CCSER1: variants seen among roughly 807,000 people sequenced by gnomAD.
The protein encoded by CCSER1 is coiled-coil serine rich protein 1.
In CCSER1, 41 loss-of-function variants were observed where a neutral mutation model predicts 82.0. The ratio of observed to expected loss-of-function variants is 0.50; its 90% CI spans 0.39 to 0.65. CCSER1 has a LOEUF of 0.65. Among genes scored for constraint, CCSER1 ranks in the 30% least tolerant of loss-of-function variants. The pLI, the probability that CCSER1 is intolerant of heterozygous loss-of-function variation, is 0.00. For synonymous variants in CCSER1, 414 were observed against 383.9 expected (o/e 1.08, Z -0.92); for missense variants, 1,119 against 1,064.2 (o/e 1.05, Z -0.72).
At chr4:90,764,495 CAATT>C (rs1342569283) in intron 7 of CCSER1, among the ~76,000 whole-genome samples, 2 of 152,042 alleles carry the variant, frequency 1.3e-5, no homozygotes, top group African/African-American at 4.8e-5. Context: ...ACAGAGACAT[CAATT>C]GTCACCCAAT....
chr4:91,014,649 T>C (rs1482763103), intron 9 of CCSER1, among the ~76,000 whole-genome samples: 1 of 150,894 alleles, frequency 6.6e-6, no homozygotes, highest in Admixed American at 6.6e-5. Context: ...AAAGCCAGAT[T>C]CTTATTTTTT....
At chr4:91,332,932 A>G (rs970011683) in intron 10 of CCSER1, among the ~76,000 whole-genome samples, 2 of 152,050 alleles carry the variant, frequency 1.3e-5, no homozygotes, top group African/African-American at 2.4e-5. Context: ...TCTATTATGT[A>G]TAAAAGTTTA....
chr4:90,577,304 A>G (rs551040093), intron 5 of CCSER1, among the ~76,000 whole-genome samples: 2 of 152,230 alleles, frequency 1.3e-5, no homozygotes, highest in African/African-American at 4.8e-5. Flanking sequence ...TAGAGTTCCT[A>G]AGGTAAAACT....
chr4:91,217,056 T>C (rs531429948), intron 10 of CCSER1, among the ~76,000 whole-genome samples: 1 of 152,258 alleles, frequency 6.6e-6, no homozygotes, highest in East Asian at 1.9e-4. Flanking sequence ...TCCCTTCTGA[T>C]GTTCAGATGT....
chr4:91,119,052 A>G (rs1726867957), intron 10 of CCSER1, among the ~76,000 whole-genome samples: 1 of 152,156 alleles, frequency 6.6e-6, no homozygotes, highest in Non-Finnish European at 1.5e-5. Context: ...TGAAGTTGCA[A>G]TCTGCAGTTT....
intron 10 of CCSER1, among the ~76,000 whole-genome samples, chr4:91,200,426 G>A (rs545510742): frequency 6.6e-6 from 1 of 152,018 alleles, no homozygotes; most frequent in East Asian, 1.9e-4. Flanking sequence ...CCCAGACCTA[G>A]GTGGCAGAAA....
chr4:91,440,743 A>T (rs868007433), intron 10 of CCSER1, among the ~76,000 whole-genome samples: 1 of 152,192 alleles, frequency 6.6e-6, no homozygotes, highest in Non-Finnish European at 1.5e-5. Context: ...AAAGAAGAAA[A>T]GAGAGAAGAA....
chr4:90,855,003 G>A (rs989324408), intron 8 of CCSER1, among the ~76,000 whole-genome samples: 2 of 151,934 alleles, frequency 1.3e-5, no homozygotes, highest in Non-Finnish European at 2.9e-5. Flanking sequence ...GTGTGTGTGT[G>A]CGAGAGAGCA....
At chr4:91,192,853 A>T (rs776525487) in intron 10 of CCSER1, among the ~76,000 whole-genome samples, 2 of 152,028 alleles carry the variant, frequency 1.3e-5, no homozygotes, top group Non-Finnish European at 2.9e-5. Context: ...TGTCTCTGCT[A>T]TATTGGTAAA....
Position 90,312,517 on chromosome 4 carries a change from T to A in CCSER1, c.1325-346T>A, listed in dbSNP as rs1017164188. On this transcript the variant is annotated intron_variant, in intron 2 of 10. Coordinates refer to ENST00000509176, the MANE Select transcript of CCSER1 (RefSeq NM_001145065.2). ...ATGAGAGTAGGCAGAGGTAGGAGAA[T>A]TGTAGCAAATATTGCAGTAACCAAG... 2.0e-5 allele frequency among the ~76,000 whole-genome samples: 3 copies of A among 152,074 alleles called. No individual in the cohort carries two copies. In the East Asian group the frequency reaches 5.8e-4, roughly 29 times the overall value.
At chr4:90,228,510 C>A (rs7662023) in intron 1 of CCSER1, among the ~76,000 whole-genome samples, 99,392 of 151,986 alleles carry the variant, frequency 0.65, 35,002 homozygotes, top group African/African-American at 0.91. Flanking sequence ...ATAAAACCAC[C>A]AAGATGGGGA....
At chr4:91,205,758 T>A (rs902647504) in intron 10 of CCSER1, among the ~76,000 whole-genome samples, 3 of 147,324 alleles carry the variant, frequency 2.0e-5, no homozygotes, top group Non-Finnish European at 4.4e-5. Flanking sequence ...CTCTATTTTT[T>A]GTCATTTTGA....
chr4:91,261,430 G>A (rs1176011140), intron 10 of CCSER1, among the ~76,000 whole-genome samples: 1 of 152,020 alleles, frequency 6.6e-6, no homozygotes, highest in Non-Finnish European at 1.5e-5. Context: ...TATCCCAGTA[G>A]CATTCTTCTA....
intron 9 of CCSER1, among the ~76,000 whole-genome samples, chr4:91,063,164 T>C (rs1411955782): frequency 6.6e-6 from 1 of 152,126 alleles, no homozygotes; most frequent in African/African-American, 2.4e-5. Context: ...GAAAATGCTG[T>C]AGTATTAGTC....
At chr4:91,236,398 G>C (rs1055876830) in intron 10 of CCSER1, among the ~76,000 whole-genome samples, 17 of 152,042 alleles carry the variant, frequency 1.1e-4, no homozygotes, top group African/African-American at 3.9e-4. Flanking sequence ...CAAAAGAATC[G>C]CTTGAACCCG....
chr4:91,312,386 T>A (rs1745548368), intron 10 of CCSER1, among the ~76,000 whole-genome samples: 1 of 149,770 alleles, frequency 6.7e-6, no homozygotes, highest in Non-Finnish European at 1.5e-5. Context: ...GGAATTAAGC[T>A]GAGTAAATAA....
chr4:90,893,915 T>C (rs1416589169), intron 8 of CCSER1, among the ~76,000 whole-genome samples: 1 of 152,070 alleles, frequency 6.6e-6, no homozygotes, highest in Non-Finnish European at 1.5e-5. Context: ...TTTCATTTTA[T>C]GTTATTTTAT....
At chr4:91,284,213 T>C (rs1743110591) in intron 10 of CCSER1, among the ~76,000 whole-genome samples, 1 of 152,150 alleles carries the variant, frequency 6.6e-6, no homozygotes, top group South Asian at 2.1e-4. Flanking sequence ...CTTTTACTTA[T>C]TGGTTCAAAG....
chr4:90,797,219 C>A (rs1451356822), intron 7 of CCSER1, among the ~76,000 whole-genome samples: 1 of 152,078 alleles, frequency 6.6e-6, no homozygotes, highest in African/African-American at 2.4e-5. Context: ...TTGTATTGAA[C>A]CCTTTACCAT....
Sources: allele counts gnomAD v4.1 joint callset (sites outside exome capture counted in the v4.1 genomes callset), GRCh38; gene constraint gnomAD v4.1.1; transcripts MANE v1.5; gene names NCBI Gene and HGNC (gene_info 2026-07-23, HGNC 2026-07-21).